TMEM63C: variants seen among roughly 807,000 people sequenced by gnomAD.
The protein encoded by TMEM63C is transmembrane protein 63C.
A neutral mutation model predicts 99.2 loss-of-function variants in TMEM63C; 32 were observed. That is an observed-to-expected ratio of 0.32 (90% CI 0.24 to 0.43). TMEM63C has a LOEUF of 0.43. TMEM63C is among the 20% of genes least tolerant of loss of function. The pLI is 1.00. For synonymous variants in TMEM63C, 376 were observed against 397.9 expected, an observed-to-expected ratio of 0.94 and a Z score of 0.66; for missense variants, 826 against 1,053.0, an observed-to-expected ratio of 0.78 and a Z score of 2.98.
chr14:77,220,520 C>T (rs948550611), intron 5 of TMEM63C, among the ~76,000 whole-genome samples: 7 of 152,096 alleles, frequency 4.6e-5, no homozygotes, highest in Admixed American at 1.3e-4. Context: ...TTTAGTGGAG[C>T]GCAGTCTGCT....
At chr14:77,224,125 G>C (rs765694074) in intron 5 of TMEM63C, among the ~76,000 whole-genome samples, 7 of 151,972 alleles carry the variant, frequency 4.6e-5, no homozygotes, top group South Asian at 2.1e-4. Context: ...GAACACCCTC[G>C]AGTGGCCATT....
chr14:77,198,516 G>A (rs1888246574), intron 1 of TMEM63C, among the ~76,000 whole-genome samples: 1 of 152,194 alleles, frequency 6.6e-6, no homozygotes, highest in Admixed American at 6.5e-5. Context: ...GGAGCAAAAT[G>A]CCCAGAGCCA....
chr14:77,256,475 C>T (rs1889462382), intron 23 of TMEM63C, 51 bp from the exon 24 acceptor site: 2 of 1,582,664 alleles, frequency 1.3e-6, no homozygotes, highest in African/African-American at 1.3e-5. Flanking sequence ...GTGCCCAGGG[C>T]CTTGCCCCCA....
intron 5 of TMEM63C, among the ~76,000 whole-genome samples, chr14:77,225,001 T>C (rs1176994353): frequency 1.3e-5 from 2 of 151,998 alleles, no homozygotes; most frequent in Non-Finnish European, 2.9e-5. Context: ...CCCACTTGGG[T>C]AAAGTTCCCA....
chr14:77,247,109 T>C (rs978360848), intron 18 of TMEM63C, among the ~76,000 whole-genome samples: 29 of 152,202 alleles, frequency 1.9e-4, no homozygotes, highest in Admixed American at 7.2e-4. Flanking sequence ...AATACATGGA[T>C]TACAAAGAAA....
chr14:77,202,119 AAC>A (rs1243583917), intron 1 of TMEM63C, among the ~76,000 whole-genome samples: 1 of 152,244 alleles, frequency 6.6e-6, no homozygotes, highest in African/African-American at 2.4e-5. Flanking sequence ...ATTGGCTAAA[AAC>A]ACATAAATTC....
rs1888424115 is a variant in TMEM63C, at chr14:77,207,598, G to A, written c.-76-5848G>A. ...CTAATCCTGCCTTTGTCTCTCTCCA[G>A]CTGTGTAACTTTAGGCCAGTTACTT... On this transcript the variant is annotated intron_variant, in intron 1 of 23. Coordinates refer to ENST00000298351, the MANE Select transcript of TMEM63C (RefSeq NM_020431.4). Among the ~76,000 whole-genome samples the A allele has an allele frequency of 2.0e-5, 3 of 152,240 alleles. No individual in the cohort carries two copies. In the South Asian group the frequency reaches 6.2e-4, roughly 32 times the overall value.
At chr14:77,225,141 G>T (rs1888794187) in intron 5 of TMEM63C, among the ~76,000 whole-genome samples, 1 of 152,190 alleles carries the variant, frequency 6.6e-6, no homozygotes, top group South Asian at 2.1e-4. Flanking sequence ...AGCAACAGAC[G>T]TTCACCCCAG....
chr14:77,192,549 C>T (rs1888128682), intron 1 of TMEM63C, among the ~76,000 whole-genome samples: 1 of 152,086 alleles, frequency 6.6e-6, no homozygotes, highest in Non-Finnish European at 1.5e-5. Flanking sequence ...AAGTTGGGCC[C>T]TACCACAATC....
intron 1 of TMEM63C, among the ~76,000 whole-genome samples, chr14:77,187,126 G>A (rs1017484637): frequency 6.6e-6 from 1 of 152,144 alleles, no homozygotes; most frequent in South Asian, 2.1e-4. Flanking sequence ...GGCTTGAGAG[G>A]TTGTGACAGC....
rs1219777474 is a variant in TMEM63C at position 77,242,975 on chromosome 14, C to A, written c.1260C>A (p.Leu420=). 2.5e-6 allele frequency: 4 copies of A among 1,614,018 alleles called. No homozygotes were observed. In the South Asian group the frequency reaches 4.4e-5, roughly 18 times the overall value. The change falls in exon 15 of 24, where the codon CTC becomes CTA. Residue 420 remains leucine, a synonymous_variant. Coordinates refer to ENST00000298351, the MANE Select transcript of TMEM63C (RefSeq NM_020431.4). ...FIAINTFLFF[L]FFFLTTPAII... Reference sequence around the variant, plus strand: ...CAATCAACACCTTCCTCTTCTTCCTCTTCTTCTTTCTCACCACGCCTGCCA... The same window carrying A: ...CAATCAACACCTTCCTCTTCTTCCTATTCTTCTTTCTCACCACGCCTGCCA...
chr14:77,189,734 T>C (rs1196783932), intron 1 of TMEM63C, among the ~76,000 whole-genome samples: 1 of 152,044 alleles, frequency 6.6e-6, no homozygotes, highest in East Asian at 1.9e-4. Context: ...CAGGAAAGGG[T>C]CCAAGAGGAG....
chr14:77,237,755 AC>A (rs1007337645), intron 9 of TMEM63C, among the ~76,000 whole-genome samples: 1 of 114,828 alleles, frequency 8.7e-6, no homozygotes, highest in Non-Finnish European at 2.2e-5. Context: ...GAGATGACTG[AC>A]GGGGGGCCAC....
chr14:77,247,584 G>A (rs774290032), intron 18 of TMEM63C, among the ~76,000 whole-genome samples: 1 of 152,098 alleles, frequency 6.6e-6, no homozygotes, highest in Non-Finnish European at 1.5e-5. Flanking sequence ...ATTACTTATT[G>A]GAATAAGAAT....
At chr14:77,189,307 G>GACCA (rs1406655564) in intron 1 of TMEM63C, among the ~76,000 whole-genome samples, 1 of 149,870 alleles carries the variant, frequency 6.7e-6, no homozygotes, top group Admixed American at 6.6e-5. Flanking sequence ...TTGTAGAGAT[G>GACCA]GGGTTTTGCT....
At position 77,207,639 on chromosome 14, in the gene TMEM63C, C is replaced by T. The variant is rs187322290; in HGVS notation, c.-76-5807C>T. Among the ~76,000 whole-genome samples the T allele has an allele frequency of 2.4e-3, 371 of 152,368 alleles. 3 individuals are homozygous for T. Among genetic ancestry groups the T allele is most frequent in the African/African-American group, 8.4e-3 (349 of 41,592 alleles). On this transcript the variant is annotated intron_variant, in intron 1 of 23. Transcript: ENST00000298351. ...CCAGTTACTTAACCTCTCTGAGCCT[C>T]AGTTTCTGTACGTGTAAGATGGGGA...
rs1253864929 is a variant in TMEM63C at position 77,231,634 on chromosome 14, A to T, written c.397A>T (p.Ile133Phe). 4 of 1,551,478 alleles carry T rather than the reference A, an allele frequency of 2.6e-6. No homozygotes were observed. The East Asian group carries it at 7.3e-5, about 28-fold the overall frequency. ...NKCGDDARIY[I>F]VFQYHLIIFV... ...GTGTGGGGACGACGCGCGCATCTACATCGTGTTCCAGTACCACCTCATCAT... is the reference window on the plus strand; with the variant it reads ...GTGTGGGGACGACGCGCGCATCTACTTCGTGTTCCAGTACCACCTCATCAT... Residue 133 changes from isoleucine to phenylalanine, a missense_variant, in exon 7 of 24, where the codon ATC (isoleucine) becomes TTC (phenylalanine). Ile to Phe is a conservative substitution (Grantham distance 21). Coordinates refer to ENST00000298351, the MANE Select transcript of TMEM63C (RefSeq NM_020431.4).
rs750489483 is a variant in TMEM63C, at chr14:77,240,607, C to T, written c.1063C>T (p.Arg355Cys). ...VTFQDSRMAK[R>C]VRKDYKYVQC... ...CTTCCAGGACTCCAGGATGGCCAAGCGGTGAGCACCAGGCAGGCGCCCCAC... is the reference window on the plus strand; with the variant it reads ...CTTCCAGGACTCCAGGATGGCCAAGTGGTGAGCACCAGGCAGGCGCCCCAC... Residue 355 changes from arginine (R) to cysteine (C), a missense_variant and splice_region_variant, in exon 13 of 24, where the codon CGT (arginine) becomes TGT (cysteine). Arg to Cys is a radical substitution (Grantham distance 180). Transcript: ENST00000298351. 6.8e-6 allele frequency: 11 copies of T among 1,608,222 alleles called. No individual in the cohort carries two copies. The highest frequency in any genetic ancestry group is 1.6e-4 in the Middle Eastern group (1 of 6,084).
chr14:77,200,958 A>C (rs947218904), intron 1 of TMEM63C: 1 of 150,224 alleles, frequency 6.7e-6, no homozygotes. Flanking sequence ...TGCTCAGTTA[A>C]AGTGATCTAG....
Sources: allele counts gnomAD v4.1 joint callset (sites outside exome capture counted in the v4.1 genomes callset), GRCh38; gene constraint gnomAD v4.1.1; transcripts MANE v1.5; gene names NCBI Gene and HGNC (gene_info 2026-07-23, HGNC 2026-07-21).